TACR3: variants seen among roughly 807,000 people sequenced by gnomAD.
TACR3 encodes neuromedin-K receptor.
TACR3 carries 34 observed loss-of-function variants against 35.0 expected under a neutral mutation model. That is an observed-to-expected ratio of 0.97 (90% CI 0.74 to 1.30). The LOEUF (loss-of-function observed/expected upper bound fraction) is 1.30. Among genes scored for constraint, TACR3 ranks in the 50% most tolerant of loss-of-function variants. The pLI, the probability that TACR3 is intolerant of heterozygous loss-of-function variation, is 0.00. For missense variants in TACR3, 558 were observed against 591.7 expected, an observed-to-expected ratio of 0.94 and a Z score of 0.59; for synonymous variants, 233 against 221.1, an observed-to-expected ratio of 1.05 and a Z score of -0.48.
chr4:103,708,610 C>T (rs1722856270), intron 1 of TACR3, among the ~76,000 whole-genome samples: 1 of 152,172 alleles, frequency 6.6e-6, no homozygotes, highest in Non-Finnish European at 1.5e-5. Flanking sequence ...TCTCCCCCTC[C>T]AAAGGAAAGC....
At chr4:103,678,493 T>C (rs1726221652) in intron 1 of TACR3, among the ~76,000 whole-genome samples, 1 of 152,170 alleles carries the variant, frequency 6.6e-6, no homozygotes, top group African/African-American at 2.4e-5. Flanking sequence ...TTCTTTTTAA[T>C]TGTATTTTCA....
chr4:103,601,921 G>A (rs774106670), intron 3 of TACR3, among the ~76,000 whole-genome samples: 4 of 152,096 alleles, frequency 2.6e-5, no homozygotes, highest in Admixed American at 6.5e-5. Flanking sequence ...TCCTGAGTTT[G>A]AATGTTGGCC....
In TACR3 at chr4:103,694,126, C is replaced by CT. The variant is rs151278595; in HGVS notation, c.548+25001dup. The stretch of plus-strand genomic sequence containing the variant: ...AAGACTTGAAGCAAATTTCAGAAGC[C>CT]TTTTTTTCCCTCCTTAGTCTTAAAA... On this transcript the variant is annotated intron_variant, in intron 1 of 4. Transcript: ENST00000304883. 3.6e-3 allele frequency among the ~76,000 whole-genome samples: 543 copies of CT among 152,004 alleles called. 2 individuals carry two copies. Among genetic ancestry groups the CT allele is most frequent in the African/African-American group, 9.6e-3 (400 of 41,480 alleles).
At chr4:103,695,009 CTTCA>C (rs1328345546) in intron 1 of TACR3, among the ~76,000 whole-genome samples, 6 of 152,094 alleles carry the variant, frequency 3.9e-5, no homozygotes, top group African/African-American at 1.4e-4. Context: ...GGACAATTTT[CTTCA>C]TTATTATTTT....
intron 1 of TACR3, among the ~76,000 whole-genome samples, chr4:103,696,974 T>A (rs1401954562): frequency 2.0e-5 from 3 of 152,172 alleles, no homozygotes; most frequent in Non-Finnish European, 2.9e-5. Context: ...TATGCAGTGG[T>A]GCAGCCATAG....
At chr4:103,708,223 C>T (rs1266188984) in intron 1 of TACR3, among the ~76,000 whole-genome samples, 1 of 152,210 alleles carries the variant, frequency 6.6e-6, no homozygotes, top group Non-Finnish European at 1.5e-5. Context: ...TCCTTGACCC[C>T]TGAGTAGCCT....
At chr4:103,646,602 G>A (rs1725461133) in intron 3 of TACR3, among the ~76,000 whole-genome samples, 1 of 151,916 alleles carries the variant, frequency 6.6e-6, no homozygotes, top group Admixed American at 6.6e-5. Context: ...GTTACTCCAA[G>A]ATGTCAGTAG....
intron 1 of TACR3, among the ~76,000 whole-genome samples, chr4:103,679,198 A>T (rs1246848332): frequency 2.0e-5 from 3 of 152,080 alleles, no homozygotes; most frequent in East Asian, 3.8e-4. Context: ...GCCCATTTGC[A>T]TTGCTTTCTT....
intron 3 of TACR3, among the ~76,000 whole-genome samples, chr4:103,620,416 GAAAAT>G (rs1245460428): frequency 6.6e-6 from 1 of 152,146 alleles, no homozygotes; most frequent in African/African-American, 2.4e-5. Flanking sequence ...GTACACCAAA[GAAAAT>G]AAATCATTCT....
In TACR3 at chr4:103,589,981, A is replaced by G; in HGVS notation, c.1099T>C (p.Phe367Leu). ...CCLNKRFRAG[F>L]KRAFRWCPFI... Reference sequence around the variant, plus strand: ...GGACACCAGCGAAATGCTCTCTTGAAGCCAGCTCGAAATCTGAGGAAAAGC... The same window carrying G: ...GGACACCAGCGAAATGCTCTCTTGAGGCCAGCTCGAAATCTGAGGAAAAGC... Residue 367 changes from phenylalanine (F) to leucine (L), a missense_variant, in exon 5 of 5, where the codon TTC (phenylalanine) becomes CTC (leucine). Coordinates refer to ENST00000304883, the MANE Select transcript of TACR3 (RefSeq NM_001059.3). The G allele has an allele frequency of 6.2e-7, 1 of 1,613,714 alleles. No individual in the cohort carries two copies. Among genetic ancestry groups the G allele is most frequent in the Non-Finnish European group, 8.5e-7 (1 of 1,179,742 alleles).
At chr4:103,667,400 T>A (rs976023055) in intron 1 of TACR3, among the ~76,000 whole-genome samples, 2 of 152,196 alleles carry the variant, frequency 1.3e-5, no homozygotes, top group African/African-American at 2.4e-5. Context: ...AAATAAGATC[T>A]AGTGTTTAGT....
At chr4:103,595,652 T>A (rs1048920896) in intron 3 of TACR3, among the ~76,000 whole-genome samples, 1 of 152,086 alleles carries the variant, frequency 6.6e-6, no homozygotes, top group Non-Finnish European at 1.5e-5. Flanking sequence ...AAAGCAAAAA[T>A]TAGTTTAGGA....
intron 3 of TACR3, among the ~76,000 whole-genome samples, chr4:103,635,332 AG>A (rs1176310209): frequency 6.6e-6 from 1 of 151,940 alleles, no homozygotes; most frequent in Non-Finnish European, 1.5e-5. Flanking sequence ...GAGATTGAAG[AG>A]AAAGAATATA....
chr4:103,636,965 A>G (rs909219454), intron 3 of TACR3, among the ~76,000 whole-genome samples: 3 of 152,064 alleles, frequency 2.0e-5, no homozygotes, highest in Non-Finnish European at 2.9e-5. Flanking sequence ...CAACCAAAAA[A>G]AGTCCAGGAC....
intron 1 of TACR3, among the ~76,000 whole-genome samples, chr4:103,672,088 A>C (rs935871815): frequency 1.3e-5 from 2 of 152,178 alleles, no homozygotes; most frequent in Non-Finnish European, 2.9e-5. Flanking sequence ...TTGTTCATGC[A>C]TAAGAAGCAG....
chr4:103,674,177 G>C (rs1204747098), intron 1 of TACR3, among the ~76,000 whole-genome samples: 1 of 152,166 alleles, frequency 6.6e-6, no homozygotes, highest in Non-Finnish European at 1.5e-5. Context: ...AAAGGCTGTA[G>C]TGAGGAACAG....
intron 3 of TACR3, among the ~76,000 whole-genome samples, chr4:103,637,776 C>A (rs1560817535): frequency 6.6e-6 from 1 of 152,134 alleles, no homozygotes. Context: ...AAATCACAAG[C>A]ATTCTTATAC....
At chr4:103,679,434 A>G (rs1726241420) in intron 1 of TACR3, among the ~76,000 whole-genome samples, 1 of 152,022 alleles carries the variant, frequency 6.6e-6, no homozygotes, top group African/African-American at 2.4e-5. Context: ...TCTGATTCCT[A>G]TAAACCATAA....
chr4:103,639,465 T>C (rs1409129160), intron 3 of TACR3, among the ~76,000 whole-genome samples: 1 of 151,858 alleles, frequency 6.6e-6, no homozygotes, highest in East Asian at 1.9e-4. Context: ...GGGGGAGGGA[T>C]AGCATTGGAA....
Sources: allele counts gnomAD v4.1 joint callset (sites outside exome capture counted in the v4.1 genomes callset), GRCh38; gene constraint gnomAD v4.1.1; transcripts MANE v1.5; gene names NCBI Gene and HGNC (gene_info 2026-07-23, HGNC 2026-07-21).